Variants in TANK observed in about 807,000 individuals in gnomAD.
The protein encoded by TANK is TRAF family member associated NFKB activator.
In TANK, 15 loss-of-function variants were observed where a neutral mutation model predicts 43.6. The ratio of observed to expected loss-of-function variants is 0.34; its 90% CI spans 0.23 to 0.53. The LOEUF (loss-of-function observed/expected upper bound fraction) is 0.53, where lower values mean the gene tolerates loss of function less well. Among genes scored for constraint, TANK ranks in the 20% least tolerant of loss-of-function variants. TANK has a pLI of 0.94. For missense variants in TANK, 417 were observed against 498.6 expected, an observed-to-expected ratio of 0.84 and a Z score of 1.56; for synonymous variants, 162 against 178.2, an observed-to-expected ratio of 0.91 and a Z score of 0.73.
chr2:161,191,878 C>T (rs898801914), intron 2 of TANK, among the ~76,000 whole-genome samples: 6 of 152,102 alleles, frequency 3.9e-5, no homozygotes, highest in Non-Finnish European at 8.8e-5. Context: ...ACCTCTGCCT[C>T]TTGGGTTCAA....
upstream of TANK, among the ~76,000 whole-genome samples, chr2:161,158,980 T>C (rs1164997152): frequency 6.6e-6 from 1 of 152,038 alleles, no homozygotes; most frequent in African/African-American, 2.4e-5. Context: ...AAATGCAAAT[T>C]AAAACAACAA....
intron 2 of TANK, among the ~76,000 whole-genome samples, chr2:161,194,740 G>T (rs1325202347): frequency 6.6e-6 from 1 of 152,084 alleles, no homozygotes; most frequent in Admixed American, 6.5e-5. Flanking sequence ...TATTTTAAAG[G>T]ATTGCAAACG....
intron 4 of TANK, chr2:161,223,332 G>T (rs1687448540): frequency 6.6e-6 from 1 of 152,044 alleles, no homozygotes; most frequent in African/African-American, 2.4e-5. Context: ...TAAGCCACAG[G>T]GTGGGAGTGA....
intron 1 of TANK, among the ~76,000 whole-genome samples, chr2:161,176,059 T>C (rs889914): frequency 0.11 from 17,301 of 152,148 alleles, 1,694 homozygotes; most frequent in African/African-American, 0.26. Flanking sequence ...CATCAGCCTC[T>C]TGGGTTTGGA....
chr2:161,139,600 C>T (rs1683682153), intron 1 of TANK: 1 of 602,786 alleles, frequency 1.7e-6, no homozygotes, highest in Non-Finnish European at 2.1e-6. Context: ...TTTATTGTTG[C>T]TCCAATTAAA....
intron 2 of TANK, among the ~76,000 whole-genome samples, chr2:161,184,097 A>G (rs1198504588): frequency 6.6e-6 from 1 of 152,136 alleles, no homozygotes; most frequent in Admixed American, 6.6e-5. Context: ...GAAGTGAGAG[A>G]GTATATGATA....
At chr2:161,196,248 G>A (rs1028378359) in intron 2 of TANK, among the ~76,000 whole-genome samples, 1 of 152,164 alleles carries the variant, frequency 6.6e-6, no homozygotes, top group Non-Finnish European at 1.5e-5. Context: ...GTAGAGAGGA[G>A]AGATGAGAGG....
intron 2 of TANK, among the ~76,000 whole-genome samples, chr2:161,202,251 G>A (rs113539972): frequency 5.3e-5 from 7 of 131,018 alleles, no homozygotes; most frequent in African/African-American, 2.0e-4. Flanking sequence ...GTGCAGTGGT[G>A]TGATCTTGGC....
chr2:161,231,578 T>C (rs1687912307), intron 7 of TANK, 27 bp downstream of exon 7: 5 of 1,586,778 alleles, frequency 3.2e-6, no homozygotes, highest in Non-Finnish European at 4.3e-6. Flanking sequence ...AACAAATATA[T>C]TATTATGTGT....
At chr2:161,138,200 T>C (rs1683643160) in intron 1 of TANK, among the ~76,000 whole-genome samples, 1 of 152,170 alleles carries the variant, frequency 6.6e-6, no homozygotes, top group African/African-American at 2.4e-5. Flanking sequence ...AATATTTCAT[T>C]AAGTTATTTT....
chr2:161,147,423 G>A (rs1190866714), intron 1 of TANK, among the ~76,000 whole-genome samples: 3 of 25,454 alleles, frequency 1.2e-4, no homozygotes, highest in African/African-American at 5.5e-4. Context: ...GCAACTCCGT[G>A]CTTGGGAGGC....
chr2:161,217,083 TTTTG>T (rs1403926605), intron 4 of TANK, among the ~76,000 whole-genome samples: 2 of 152,230 alleles, frequency 1.3e-5, no homozygotes, highest in Non-Finnish European at 2.9e-5. Context: ...TTTGGAGTTT[TTTTG>T]TTTGTTTATT....
intron 4 of TANK, among the ~76,000 whole-genome samples, chr2:161,218,914 C>T (rs947413513): frequency 2.6e-5 from 4 of 152,074 alleles, no homozygotes; most frequent in Non-Finnish European, 4.4e-5. Flanking sequence ...GAGCACACCA[C>T]CATGCACAGC....
At chr2:161,235,320 T>C (rs750136015) in intron 7 of TANK, 22 bp from the exon 8 acceptor site, 2 of 1,568,600 alleles carry the variant, frequency 1.3e-6, no homozygotes, top group Non-Finnish European at 8.6e-7. Context: ...AAGTAACAGA[T>C]ATTTTTGTTT....
At chr2:161,194,410 A>T (rs545157457) in intron 2 of TANK, among the ~76,000 whole-genome samples, 3 of 152,266 alleles carry the variant, frequency 2.0e-5, no homozygotes, top group African/African-American at 7.2e-5. Context: ...AGATGCTATG[A>T]TGTATTAACT....
intron 4 of TANK, chr2:161,222,939 GAACA>G (rs1687423006): frequency 6.6e-6 from 1 of 151,960 alleles, no homozygotes; most frequent in South Asian, 2.1e-4. Context: ...TTGTCTTAGA[GAACA>G]AATAAGACTC....
intron 7 of TANK, among the ~76,000 whole-genome samples, chr2:161,233,480 A>G (rs1288422669): frequency 1.3e-5 from 2 of 152,136 alleles, no homozygotes; most frequent in Non-Finnish European, 2.9e-5. Flanking sequence ...TTTTGGCTAC[A>G]TATTTCAAAA....
intron 1 of TANK, chr2:161,160,731 A>G: frequency 1.8e-6 from 1 of 544,794 alleles, no homozygotes; most frequent in Non-Finnish European, 3.6e-6. Context: ...TCAGCATAGC[A>G]TCGTCGGCCT....
intron 1 of TANK, chr2:161,161,403 C>G: frequency 6.4e-7 from 1 of 1,550,798 alleles, no homozygotes; most frequent in South Asian, 1.2e-5. Flanking sequence ...AATACACACC[C>G]AAACGAGAGG....
Sources: allele counts gnomAD v4.1 joint callset (sites outside exome capture counted in the v4.1 genomes callset), GRCh38; gene constraint gnomAD v4.1.1; transcripts MANE v1.5; gene names NCBI Gene and HGNC (gene_info 2026-07-23, HGNC 2026-07-21).